RIMKLA: variants seen among roughly 807,000 people sequenced by gnomAD.
RIMKLA encodes the protein N-acetylaspartylglutamate synthase A.
In RIMKLA, 14 loss-of-function variants were observed where a neutral mutation model predicts 32.7. The ratio of observed to expected loss-of-function variants is 0.43; its 90% CI spans 0.28 to 0.67. The LOEUF is 0.67. RIMKLA is among the 30% of genes least tolerant of loss of function. The pLI is 0.18. For synonymous variants in RIMKLA, 176 were observed against 204.1 expected, an observed-to-expected ratio of 0.86 and a Z score of 1.18; for missense variants, 410 against 519.0, an observed-to-expected ratio of 0.79 and a Z score of 2.04.
rs1235241205 is a variant in RIMKLA, at chr1:42,380,854, G to T, written c.-81G>T. The T allele has an allele frequency of 7.6e-5, 73 of 959,126 alleles. No individual in the cohort carries two copies. The highest frequency in any genetic ancestry group is 9.1e-5 in the Non-Finnish European group (70 of 765,838). 59.4% of individuals were successfully genotyped at this position (959,126 alleles called of 1,614,324 possible). ...GGCGCGCTCGCCCCGGACGCCGGCC[G>T]CCCCTCCGCTCGCCCTACTGAGCGA... On this transcript the variant is annotated 5_prime_UTR_variant, in exon 1 of 5. Transcript: ENST00000431473.
At position 42,380,852 on chromosome 1, in the gene RIMKLA, C is replaced by T. The variant is rs1317732448; in HGVS notation, c.-83C>T. ...GTGGCGCGCTCGCCCCGGACGCCGG[C>T]CGCCCCTCCGCTCGCCCTACTGAGC... On this transcript the variant is annotated 5_prime_UTR_variant, in exon 1 of 5. Coordinates refer to ENST00000431473, the MANE Select transcript of RIMKLA (RefSeq NM_173642.4). 5 of 941,142 alleles carry T rather than the reference C, an allele frequency of 5.3e-6. No individual in the cohort carries two copies. The highest frequency in any genetic ancestry group is 1.8e-5 in the African/African-American group (1 of 56,948). The allele number at this position is 941,142 out of a possible 1,614,324, so 58.3% of individuals were successfully genotyped here.
chr1:42,389,862 G>A (rs1642985595), intron 1 of RIMKLA, among the ~76,000 whole-genome samples: 2 of 151,992 alleles, frequency 1.3e-5, no homozygotes, highest in African/African-American at 4.8e-5. Flanking sequence ...AATTATAATT[G>A]ATTTAGCAAT....
chr1:42,395,878 C>G (rs959949031), intron 1 of RIMKLA, among the ~76,000 whole-genome samples: 3 of 152,172 alleles, frequency 2.0e-5, no homozygotes, highest in Admixed American at 2.0e-4. Context: ...TTGTCTACTA[C>G]TATTAGAAAT....
intron 2 of RIMKLA, among the ~76,000 whole-genome samples, chr1:42,400,209 G>T (rs1241395230): frequency 6.6e-6 from 1 of 150,584 alleles, no homozygotes; most frequent in Admixed American, 6.6e-5. Flanking sequence ...TTTGTAGAAT[G>T]TTAAGAGAGA....
At position 42,380,871 on chromosome 1, in the gene RIMKLA, A is replaced by G. The variant is rs1642880242; in HGVS notation, c.-64A>G. ...CGCCGGCCGCCCCTCCGCTCGCCCTACTGAGCGAGCGGCCCGGGGCGCCGA... is the reference window on the plus strand; with the variant it reads ...CGCCGGCCGCCCCTCCGCTCGCCCTGCTGAGCGAGCGGCCCGGGGCGCCGA... On this transcript the variant is annotated 5_prime_UTR_variant, in exon 1 of 5. Transcript: ENST00000431473. 6 of 1,140,730 alleles carry G rather than the reference A, an allele frequency of 5.3e-6. No individual in the cohort carries two copies. Among genetic ancestry groups the G allele is most frequent in the Non-Finnish European group, 6.5e-6 (6 of 917,186 alleles). 70.7% of individuals were successfully genotyped at this position (1,140,730 alleles called of 1,614,324 possible).
rs138004489 is a variant in RIMKLA at position 42,414,920 on chromosome 1, C to T, written c.1122C>T (p.Pro374=). 1.2e-5 allele frequency: 20 copies of T among 1,613,826 alleles called. No individual in the cohort carries two copies. The highest frequency in any genetic ancestry group is 4.4e-5 in the South Asian group (4 of 91,044). Residue 374 remains proline, a synonymous_variant, in exon 5 of 5, where the codon CCC becomes CCT. Transcript: ENST00000431473. Reference sequence around the variant, plus strand: ...TGGGGGCCCCACCCTCCATGCTGCCCGAACCTGGCTACAACATTAACAACA... The same window carrying T: ...TGGGGGCCCCACCCTCCATGCTGCCTGAACCTGGCTACAACATTAACAACA... ...STMGAPPSML[P]EPGYNINNRI...
At chr1:42,383,399 G>A (rs1388087323) in intron 1 of RIMKLA, among the ~76,000 whole-genome samples, 1 of 152,218 alleles carries the variant, frequency 6.6e-6, no homozygotes. Flanking sequence ...TGAGTCCCAG[G>A]AGAATGACCT....
At position 42,380,985 on chromosome 1, in the gene RIMKLA, C is replaced by A; in HGVS notation, c.51C>A (p.Tyr17Ter). The A allele has an allele frequency of 6.9e-7, 1 of 1,451,684 alleles. No individual in the cohort carries two copies. Among genetic ancestry groups the A allele is most frequent in the Non-Finnish European group, 9.1e-7 (1 of 1,102,094 alleles). The allele number at this position is 1,451,684 out of a possible 1,614,324, so 89.9% of individuals were successfully genotyped here. A position where few individuals can be genotyped will look rare whatever the true frequency, so the allele number is the denominator to read the frequency against. ...CGGACCGGCGCATCCGCGAGGACTA[C>A]CCGCAGGTGCAGATCCTGCGCGCCC... ...FLTDRRIREDYPQVQILRALR... is the reference protein window; with the variant it reads ...FLTDRRIRED Residue 17 changes from tyrosine to a stop codon, truncating the protein, a stop_gained, in exon 1 of 5, where the codon TAC (tyrosine) becomes TAA (stop). Transcript: ENST00000431473. LOFTEE classifies it high-confidence loss of function.
chr1:42,412,717 A>G, intron 4 of RIMKLA: 1 of 419,016 alleles, frequency 2.4e-6, no homozygotes, highest in Non-Finnish European at 4.6e-6. Context: ...GCATGGCCTA[A>G]TAAGAACCTG....
At chr1:42,400,751 A>G (rs1319741236) in intron 2 of RIMKLA, among the ~76,000 whole-genome samples, 1 of 152,166 alleles carries the variant, frequency 6.6e-6, no homozygotes, top group Non-Finnish European at 1.5e-5. Context: ...AAGTAAAAAT[A>G]TTTAGTAGGC....
intron 4 of RIMKLA, among the ~76,000 whole-genome samples, chr1:42,413,113 G>GAC (rs1302783831): frequency 3.3e-5 from 5 of 151,988 alleles, no homozygotes; most frequent in Admixed American, 6.6e-5. Flanking sequence ...CAGCCTGGGC[G>GAC]ACAGAGTGAG....
At chr1:42,403,690 C>G (rs1643119971) in intron 2 of RIMKLA, among the ~76,000 whole-genome samples, 1 of 152,220 alleles carries the variant, frequency 6.6e-6, no homozygotes, top group African/African-American at 2.4e-5. Flanking sequence ...TAACAAACTT[C>G]TAAAAACTGA....
At chr1:42,406,059 C>A (rs963471861) in intron 3 of RIMKLA, among the ~76,000 whole-genome samples, 16 of 152,126 alleles carry the variant, frequency 1.1e-4, no homozygotes, top group African/African-American at 3.4e-4. Flanking sequence ...ACATAAAATT[C>A]ACATATTTAT....
At chr1:42,393,340 TA>T (rs1178692639) in intron 1 of RIMKLA, among the ~76,000 whole-genome samples, 1 of 152,210 alleles carries the variant, frequency 6.6e-6, no homozygotes, top group African/African-American at 2.4e-5. Flanking sequence ...AAAAAATGCA[TA>T]TTTAAGTTGT....
At chr1:42,406,801 G>A (rs764150185) in intron 3 of RIMKLA, among the ~76,000 whole-genome samples, 7 of 152,068 alleles carry the variant, frequency 4.6e-5, no homozygotes, top group Non-Finnish European at 8.8e-5. Flanking sequence ...ATCTTTTCAT[G>A]TGCTTGTTGG....
rs1643234367 is a variant in RIMKLA, at chr1:42,415,058, T to A, written c.*84T>A. The stretch of plus-strand genomic sequence containing the variant: ...TGAATAAAATCTGGACTAATGTGAT[T>A]TCATTTGCACAGAAACTAGAAATCC... On this transcript the variant is annotated 3_prime_UTR_variant, in exon 5 of 5. Coordinates refer to ENST00000431473, the MANE Select transcript of RIMKLA (RefSeq NM_173642.4). 7.2e-7 allele frequency: 1 copy of A among 1,395,370 alleles called. No homozygotes were observed. 86.4% of individuals were successfully genotyped at this position (1,395,370 alleles called of 1,614,324 possible). A position where few individuals can be genotyped will look rare whatever the true frequency, so the allele number is the denominator to read the frequency against.
intron 4 of RIMKLA, among the ~76,000 whole-genome samples, chr1:42,410,664 AG>A (rs1173048549): frequency 6.6e-6 from 1 of 152,220 alleles, no homozygotes; most frequent in African/African-American, 2.4e-5. Flanking sequence ...AGAAAGCTAC[AG>A]TTTATGCTTT....
chr1:42,400,347 G>A (rs113363483), intron 2 of RIMKLA, among the ~76,000 whole-genome samples: 1 of 152,184 alleles, frequency 6.6e-6, no homozygotes, highest in African/African-American at 2.4e-5. Flanking sequence ...CCTGATAAGA[G>A]TTATAGTTCA....
At position 42,422,454 on chromosome 1, in the gene RIMKLA, C is replaced by G. The variant is rs1411725255; in HGVS notation, c.*7480C>G. 1.3e-5 allele frequency: 2 copies of G among 152,208 alleles called. No homozygotes were observed. The highest frequency in any genetic ancestry group is 2.4e-5 in the African/African-American group (1 of 41,446). The allele number at this position is 152,208 out of a possible 1,614,324, so 9.4% of individuals were successfully genotyped here. A position where few individuals can be genotyped will look rare whatever the true frequency, so the allele number is the denominator to read the frequency against. On this transcript the variant is annotated 3_prime_UTR_variant, in exon 5 of 5. Transcript: ENST00000431473. Reference sequence around the variant, plus strand: ...AAAAGAATACATCTTAACTAGGCACCAGAATAGCTCATTTCCAAGTGGTTT... The same window carrying G: ...AAAAGAATACATCTTAACTAGGCACGAGAATAGCTCATTTCCAAGTGGTTT...
Sources: allele counts gnomAD v4.1 joint callset (sites outside exome capture counted in the v4.1 genomes callset), GRCh38; gene constraint gnomAD v4.1.1; transcripts MANE v1.5; gene names NCBI Gene and HGNC (gene_info 2026-07-23, HGNC 2026-07-21).